NEGR1: variants seen among roughly 807,000 people sequenced by gnomAD.
The protein encoded by NEGR1 is IgLON family member 4.
Under a neutral mutation model 40.9 loss-of-function variants are expected in NEGR1, and 10 were observed. The observed-to-expected ratio is 0.24, with a 90% CI of 0.15 to 0.42. NEGR1 has a LOEUF of 0.42. Ranked by LOEUF, NEGR1 falls within the 10% of genes least tolerant of loss-of-function variation. NEGR1 has a pLI of 1.00. For synonymous variants in NEGR1, 185 were observed against 166.8 expected (o/e 1.11, Z -0.84); for missense variants, 352 against 438.9 (o/e 0.80, Z 1.77).
intron 2 of NEGR1, among the ~76,000 whole-genome samples, chr1:71,928,406 G>GTA (rs1267655295): frequency 3.4e-5 from 2 of 58,498 alleles, no homozygotes. Context: ...GTATATATGT[G>GTA]TATGTATATA....
intron 6 of NEGR1, among the ~76,000 whole-genome samples, chr1:71,469,012 G>C (rs1379364999): frequency 6.6e-6 from 1 of 152,042 alleles, no homozygotes; most frequent in Admixed American, 6.6e-5. Context: ...CTAACCTGAA[G>C]AGGTGTTCAA....
intron 2 of NEGR1, among the ~76,000 whole-genome samples, chr1:71,802,130 G>A (rs1196012010): frequency 6.6e-6 from 1 of 152,170 alleles, no homozygotes; most frequent in Non-Finnish European, 1.5e-5. Context: ...TCTAAGCTAA[G>A]TGTTGAAGGT....
At chr1:71,597,472 C>CTCTCTCTGTGTGTGTGTGTGTGTG (rs756076229) in intron 5 of NEGR1, among the ~76,000 whole-genome samples, 30 of 31,316 alleles carry the variant, frequency 9.6e-4, no homozygotes, top group African/African-American at 2.4e-3. Flanking sequence ...CTCTCTCTCT[C>CTCTCTCTGTGTGTGTGTGTGTGTG]TGTGTGTGTG....
intron 1 of NEGR1, among the ~76,000 whole-genome samples, chr1:72,155,632 G>A (rs1031176214): frequency 6.6e-5 from 10 of 151,986 alleles, no homozygotes; most frequent in African/African-American, 2.4e-4. Context: ...ACTGAACCAT[G>A]CAGAATCTAT....
At chr1:71,838,392 T>A (rs1324771125) in intron 2 of NEGR1, among the ~76,000 whole-genome samples, 2 of 152,116 alleles carry the variant, frequency 1.3e-5, no homozygotes, top group Non-Finnish European at 2.9e-5. Context: ...TTATAAATGA[T>A]CTCTTTCTAC....
chr1:71,494,743 C>T (rs1192939246), intron 6 of NEGR1, among the ~76,000 whole-genome samples: 1 of 152,134 alleles, frequency 6.6e-6, no homozygotes, highest in African/African-American at 2.4e-5. Context: ...AAACTCACCA[C>T]ACAGACCCAC....
At chr1:72,277,668 T>C (rs1254326726) in intron 1 of NEGR1, among the ~76,000 whole-genome samples, 3 of 152,134 alleles carry the variant, frequency 2.0e-5, no homozygotes, top group African/African-American at 7.2e-5. Flanking sequence ...TGATAATTCA[T>C]TATCCCTGCT....
chr1:72,068,697 C>T (rs1442646982), intron 1 of NEGR1, among the ~76,000 whole-genome samples: 1 of 152,074 alleles, frequency 6.6e-6, no homozygotes, highest in Admixed American at 6.6e-5. Context: ...ATAATCAGAA[C>T]TGATTTTAAT....
chr1:72,085,882 A>G (rs1185390699), intron 1 of NEGR1, among the ~76,000 whole-genome samples: 1 of 151,280 alleles, frequency 6.6e-6, no homozygotes, highest in Non-Finnish European at 1.5e-5. Context: ...AGGGAGGAGA[A>G]TCGCTTGAAC....
rs1323066843 is a variant in NEGR1, at chr1:71,405,377, A to C, written c.*2069T>G. 6.6e-6 allele frequency: 1 copy of C among 152,338 alleles called. No homozygotes were observed. Among genetic ancestry groups the C allele is most frequent in the East Asian group, 1.9e-4 (1 of 5,200 alleles). 9.4% of individuals were successfully genotyped at this position (152,338 alleles called of 1,614,324 possible). ...GGTAGCACCACTATTTCTAGTAAGT[A>C]GATTATTATGGAGTGTGCCACTTTA... is the stretch of plus-strand genomic sequence containing the variant. On this transcript the variant is annotated 3_prime_UTR_variant, in exon 7 of 7. Coordinates refer to ENST00000357731, the MANE Select transcript of NEGR1 (RefSeq NM_173808.3).
intron 3 of NEGR1, among the ~76,000 whole-genome samples, chr1:71,703,951 A>G (rs1653796888): frequency 6.6e-6 from 1 of 152,004 alleles, no homozygotes; most frequent in Non-Finnish European, 1.5e-5. Flanking sequence ...GAGGTTAATC[A>G]TGTCAAAGAA....
intron 1 of NEGR1, among the ~76,000 whole-genome samples, chr1:72,005,797 A>G (rs1287460743): frequency 1.3e-5 from 2 of 152,182 alleles, no homozygotes; most frequent in Admixed American, 1.3e-4. Flanking sequence ...AAGAATATTT[A>G]GAAAAAGAAA....
At chr1:72,137,541 AC>A (rs1557545421) in intron 1 of NEGR1, among the ~76,000 whole-genome samples, 1 of 151,620 alleles carries the variant, frequency 6.6e-6, no homozygotes, top group Non-Finnish European at 1.5e-5. Context: ...TGGGAGTTGA[AC>A]AATAAGAACA....
intron 6 of NEGR1, among the ~76,000 whole-genome samples, chr1:71,437,361 A>G (rs1646516715): frequency 6.6e-6 from 1 of 152,146 alleles, no homozygotes; most frequent in South Asian, 2.1e-4. Context: ...GCACAACTCT[A>G]TGAATTTACT....
At chr1:72,161,881 G>T (rs1651577749) in intron 1 of NEGR1, among the ~76,000 whole-genome samples, 1 of 151,138 alleles carries the variant, frequency 6.6e-6, no homozygotes, top group African/African-American at 2.4e-5. Flanking sequence ...AATGGAGATG[G>T]GTTTTCACTG....
At chr1:71,737,715 T>G (rs1655083810) in intron 3 of NEGR1, among the ~76,000 whole-genome samples, 1 of 152,134 alleles carries the variant, frequency 6.6e-6, no homozygotes. Flanking sequence ...GCAAAAAGAT[T>G]AAATATTTTT....
At chr1:71,750,272 C>T (rs558171333) in intron 3 of NEGR1, among the ~76,000 whole-genome samples, 3 of 152,110 alleles carry the variant, frequency 2.0e-5, no homozygotes, top group Non-Finnish European at 2.9e-5. Flanking sequence ...GGATTACAGG[C>T]GTGAGCCACC....
intron 1 of NEGR1, among the ~76,000 whole-genome samples, chr1:71,996,876 C>T (rs1646509132): frequency 6.6e-6 from 1 of 151,968 alleles, no homozygotes; most frequent in Non-Finnish European, 1.5e-5. Context: ...TGACCTTTTC[C>T]CAATGTCTGT....
chr1:72,189,621 C>T (rs972138438), intron 1 of NEGR1, among the ~76,000 whole-genome samples: 22 of 151,424 alleles, frequency 1.5e-4, no homozygotes, highest in African/African-American at 5.3e-4. Flanking sequence ...AAAGTAGGCC[C>T]TTAGAAATGT....
Sources: allele counts gnomAD v4.1 joint callset (sites outside exome capture counted in the v4.1 genomes callset), GRCh38; gene constraint gnomAD v4.1.1; transcripts MANE v1.5; gene names NCBI Gene and HGNC (gene_info 2026-07-23, HGNC 2026-07-21).